ZFP91: variants seen among roughly 807,000 people sequenced by gnomAD.
ZFP91 encodes the protein E3 ubiquitin-protein ligase ZFP91.
A neutral mutation model predicts 63.5 loss-of-function variants in ZFP91; 7 were observed. The observed-to-expected ratio is 0.11, with a 90% confidence interval of 0.06 to 0.21. The LOEUF (loss-of-function observed/expected upper bound fraction) is 0.21. Ranked by LOEUF, ZFP91 falls within the 10% of genes least tolerant of loss-of-function variation. The probability of loss-of-function intolerance (pLI) is 1.00; values close to 1 mark genes in which losing one functional copy is unlikely to be tolerated. For missense variants in ZFP91, 628 were observed against 736.6 expected (o/e 0.85, Z 1.71); for synonymous variants, 330 against 272.1 (o/e 1.21, Z -2.10).
At position 58,579,242 on chromosome 11, in the gene ZFP91, C is replaced by A; in HGVS notation, c.-40C>A. The A allele has an allele frequency of 7.3e-7, 1 of 1,361,232 alleles. No individual in the cohort carries two copies. The highest frequency in any genetic ancestry group is 9.4e-7 in the Non-Finnish European group (1 of 1,064,654). The allele number at this position is 1,361,232 out of a possible 1,614,324, so 84.3% of individuals were successfully genotyped here. On this transcript the variant is annotated 5_prime_UTR_variant, in exon 1 of 11. Coordinates refer to ENST00000316059, the MANE Select transcript of ZFP91 (RefSeq NM_053023.5). ...GCGCCGAGGCCGCCGCCTCCGCCTC[C>A]GCCGCCTAGGACTAGGGGGTGGGGG... is the stretch of plus-strand genomic sequence containing the variant.
In ZFP91 at chr11:58,590,401, C is replaced by T. The variant is rs893353713; in HGVS notation, c.370+5517C>T. Among the ~76,000 whole-genome samples, 4 of 152,096 alleles carry T rather than the reference C, an allele frequency of 2.6e-5. No homozygotes were observed. The South Asian group carries it at 8.3e-4, about 32-fold the overall frequency. On this transcript the variant is annotated intron_variant, in intron 2 of 10. Transcript: ENST00000316059. ...TTATTATTTACTGGTTGGGCCATTC[C>T]CCCCTCCTCATTGGTCATTCAGTTC...
At position 58,579,367 on chromosome 11, in the gene ZFP91, C is replaced by G; in HGVS notation, c.86C>G (p.Pro29Arg). 6.7e-7 allele frequency: 1 copy of G among 1,492,250 alleles called. No individual in the cohort carries two copies. Among genetic ancestry groups the G allele is most frequent in the Non-Finnish European group, 8.9e-7 (1 of 1,125,634 alleles). The allele number at this position is 1,492,250 out of a possible 1,614,324, so 92.4% of individuals were successfully genotyped here. ...GCGGCCAAGGCGGCTCCGGAGGAGC[C>G]CCAACAACGGCCCCCTGAGGCGGTC... The part of the protein sequence containing the change: ...GEAAKAAPEE[P>R]QQRPPEAVAA... Residue 29 changes from proline (P) to arginine (R), a missense_variant, in exon 1 of 11, where the codon CCC (proline) becomes CGC (arginine). Transcript: ENST00000316059.
At chr11:58,579,659 C>G in intron 1 of ZFP91, 37 bp downstream of exon 1, 2 of 1,502,272 alleles carry the variant, frequency 1.3e-6, no homozygotes, top group Non-Finnish European at 1.8e-6. Flanking sequence ...GAAAGACCCC[C>G]CTCTGTCCGT....
intron 2 of ZFP91, among the ~76,000 whole-genome samples, chr11:58,603,209 A>G (rs1359634297): frequency 6.6e-6 from 1 of 152,216 alleles, no homozygotes; most frequent in Non-Finnish European, 1.5e-5. Flanking sequence ...TTTACAAACA[A>G]CGTGTAGAAG....
chr11:58,587,986 G>A (rs1401038366), intron 2 of ZFP91, among the ~76,000 whole-genome samples: 1 of 152,088 alleles, frequency 6.6e-6, no homozygotes, highest in East Asian at 1.9e-4. Flanking sequence ...GTTATTTATT[G>A]CAGAACTTCT....
rs796513785 is a variant in ZFP91, at chr11:58,598,470, GTAGT to G, written c.371-11357_371-11354del. Among the ~76,000 whole-genome samples, 19 of 152,172 alleles carry G rather than the reference GTAGT, an allele frequency of 1.2e-4. 1 individual carries two copies. Among genetic ancestry groups the G allele is most frequent in the African/African-American group, 4.1e-4 (17 of 41,550 alleles). On this transcript the variant is annotated intron_variant, in intron 2 of 10. Coordinates refer to ENST00000316059, the MANE Select transcript of ZFP91 (RefSeq NM_053023.5). ...TTTGTTGTTCAAGGGTTAACTAACT[GTAGT>G]TATATTCACTGTGCCTGCATGTTGC...
intron 2 of ZFP91, among the ~76,000 whole-genome samples, chr11:58,590,832 A>G (rs1346215081): frequency 2.0e-5 from 3 of 151,904 alleles, no homozygotes; most frequent in Non-Finnish European, 4.4e-5. Flanking sequence ...CTTTGTGGAT[A>G]TCCAGTCATG....
intron 2 of ZFP91, among the ~76,000 whole-genome samples, chr11:58,602,466 GA>G (rs1855506917): frequency 6.6e-6 from 1 of 152,014 alleles, no homozygotes; most frequent in East Asian, 1.9e-4. Context: ...GGGAGAGGGA[GA>G]GGGGGCCTGT....
Position 58,584,866 on chromosome 11 carries a change from A to G in ZFP91, c.352A>G (p.Lys118Glu), listed in dbSNP as rs776028834. ...TCTTATTTCTTTCAGATGCATAGAA[A>G]AAGTAACAACTGATAAAGGTAAGAC... ...KKSPRLLCIE[K>E]VTTDKDPKEE... Residue 118 changes from lysine (K) to glutamate (E), a missense_variant, in exon 2 of 11, where the codon AAA becomes GAA. Lys to Glu is a moderately conservative substitution (Grantham distance 56, BLOSUM62 1). Around this residue, in one of 3 missense-constraint regions of ZFP91, gnomAD observed 437 missense variants for 380.3 expected, o/e 1.15. Coordinates refer to ENST00000316059, the MANE Select transcript of ZFP91 (RefSeq NM_053023.5). 6.5e-7 allele frequency: 1 copy of G among 1,530,616 alleles called. No individual in the cohort carries two copies. The highest frequency in any genetic ancestry group is 2.4e-5 in the Admixed American group (1 of 42,438). 94.8% of individuals were successfully genotyped at this position (1,530,616 alleles called of 1,614,324 possible). A position where few individuals can be genotyped will look rare whatever the true frequency, so the allele number is the denominator to read the frequency against.
At chr11:58,585,857 G>C (rs531410591) in intron 2 of ZFP91, among the ~76,000 whole-genome samples, 2 of 152,292 alleles carry the variant, frequency 1.3e-5, no homozygotes, top group South Asian at 4.1e-4. Flanking sequence ...TGTAATTTAA[G>C]AACCAATAAC....
chr11:58,602,627 C>T (rs1565221563), intron 2 of ZFP91, among the ~76,000 whole-genome samples: 1 of 152,048 alleles, frequency 6.6e-6, no homozygotes, highest in Non-Finnish European at 1.5e-5. Flanking sequence ...AATTGCTTTC[C>T]TCAAAAGATG....
rs757860524 is a variant in ZFP91 at position 58,579,515 on chromosome 11, C to G, written c.234C>G (p.Arg78=). Residue 78 remains arginine, a synonymous_variant, in exon 1 of 11, where the codon CGC becomes CGG. Coordinates refer to ENST00000316059, the MANE Select transcript of ZFP91 (RefSeq NM_053023.5). ...VSRRRKAEYP[R]RRRSSPSARP... is the part of the protein sequence containing the mutation. ...GCCGGAGGAAGGCCGAGTATCCCCGCCGGCGGAGGAGCAGCCCCAGCGCCA... is the reference window on the plus strand; with the variant it reads ...GCCGGAGGAAGGCCGAGTATCCCCGGCGGCGGAGGAGCAGCCCCAGCGCCA... The G allele has an allele frequency of 1.3e-6, 2 of 1,555,916 alleles. No individual in the cohort carries two copies. The highest frequency in any genetic ancestry group is 1.7e-6 in the Non-Finnish European group (2 of 1,156,702).
At chr11:58,584,993 T>C in intron 2 of ZFP91, 109 bp downstream of exon 2, 1 of 858,994 alleles carries the variant, frequency 1.2e-6, no homozygotes, top group Non-Finnish European at 1.6e-6. Flanking sequence ...AATTTTTATT[T>C]GGTAAAAAAT....
chr11:58,594,217 A>C (rs747580490), intron 2 of ZFP91, among the ~76,000 whole-genome samples: 1 of 152,096 alleles, frequency 6.6e-6, no homozygotes, highest in Non-Finnish European at 1.5e-5. Flanking sequence ...GGGTTTTGTC[A>C]TGTTTTCTCT....
intron 5 of ZFP91, chr11:58,611,345 G>A: frequency 2.0e-6 from 1 of 499,918 alleles, no homozygotes. Context: ...TTAACTAATT[G>A]TCTCGTTTCT....
intron 2 of ZFP91, among the ~76,000 whole-genome samples, chr11:58,607,410 T>C (rs1855586153): frequency 6.6e-6 from 1 of 152,288 alleles, no homozygotes; most frequent in Middle Eastern, 3.4e-3. Context: ...TAAAACGTAA[T>C]GGATTGTGCT....
Position 58,616,780 on chromosome 11 carries a change from G to T in ZFP91, c.1167G>T (p.Val389=). ...RAFKSSHNLA[V]HRMIHTGEKP... is the part of the protein sequence containing the mutation. ...TCAAGAGTTCCCACAATCTGGCAGT[G>T]CACCGGATGATTCACACTGGCGAGA... The change falls in exon 10 of 11, where the codon GTG becomes GTT. Residue 389 remains valine, a synonymous_variant. Transcript: ENST00000316059. The T allele has an allele frequency of 6.2e-7, 1 of 1,613,826 alleles. No homozygotes were observed. The highest frequency in any genetic ancestry group is 8.5e-7 in the Non-Finnish European group (1 of 1,179,824).
intron 2 of ZFP91, among the ~76,000 whole-genome samples, chr11:58,600,544 A>G (rs1855476497): frequency 6.6e-6 from 1 of 152,094 alleles, no homozygotes; most frequent in Admixed American, 6.5e-5. Context: ...GACCTTTAAC[A>G]GTTTTCTTTT....
At chr11:58,579,784 CCT>C (rs1013033780) in intron 1 of ZFP91, among the ~76,000 whole-genome samples, 162 bp downstream of exon 1, 6 of 152,092 alleles carry the variant, frequency 3.9e-5, no homozygotes, top group African/African-American at 1.4e-4. Context: ...CTTCGTGCCT[CCT>C]CTCTGCGCCA....
Sources: allele counts gnomAD v4.1 joint callset (sites outside exome capture counted in the v4.1 genomes callset), GRCh38; gene constraint gnomAD v4.1.1; regional missense constraint gnomAD v4.1.1; transcripts MANE v1.5; gene names NCBI Gene and HGNC (gene_info 2026-07-23, HGNC 2026-07-21).